The following PFKFB3 variants were observed in gnomAD, a reference collection of about 807,000 sequenced individuals.
The protein encoded by PFKFB3 is 6-phosphofructo-2-kinase/fructose-2,6-biphosphatase 3, also known as 6-phosphofructo-2-kinase/fructose-2,6-bisphosphatase 3.
Under a neutral mutation model 68.0 loss-of-function variants are expected in PFKFB3, and 33 were observed. The ratio of observed to expected loss-of-function variants is 0.49; its 90% CI spans 0.37 to 0.65. PFKFB3 has a LOEUF of 0.65. Among genes scored for constraint, PFKFB3 ranks in the 30% least tolerant of loss-of-function variants. PFKFB3 has a pLI of 0.00. For synonymous variants in PFKFB3, 315 were observed against 288.2 expected (o/e 1.09, Z -0.94); for missense variants, 586 against 712.2 (o/e 0.82, Z 2.02).
At chr10:6,302,215 C>T in the PFKFB3 span, among the ~76,000 whole-genome samples, 1 of 151,640 alleles carries the variant, frequency 6.6e-6, no homozygotes, top group African/African-American at 2.4e-5. Flanking sequence ...CCACCACATC[C>T]AGCTAATTTT....
At chr10:6,150,201 A>G (rs1350067814) in intron 1 of PFKFB3, among the ~76,000 whole-genome samples, 1 of 152,156 alleles carries the variant, frequency 6.6e-6, no homozygotes, top group Admixed American at 6.5e-5. Context: ...TAACTTGGAG[A>G]GCTATTTGAG....
At position 6,154,308 on chromosome 10, in the gene PFKFB3, C is replaced by T. The variant is rs1001447287; in HGVS notation, c.16+9295C>T. ...TTGGCCAGGCTGGAGTGCAGTGGCG[C>T]GTTCTCGGCTCACTGCAACCTCTGC... On this transcript the variant is annotated intron_variant, in intron 1 of 14. Coordinates refer to the PFKFB3 transcript ENST00000379789. This position sits in a 1 kb window ranked among gnomAD's most constrained non-coding sequence, Gnocchi z 4.6. Among the ~76,000 whole-genome samples, 12 of 151,214 alleles carry T rather than the reference C, an allele frequency of 7.9e-5. No homozygotes were observed. Among genetic ancestry groups the T allele is most frequent in the Non-Finnish European group, 1.6e-4 (11 of 67,898 alleles).
intron 1 of PFKFB3, among the ~76,000 whole-genome samples, chr10:6,173,176 G>A (rs1224772443): frequency 6.6e-6 from 1 of 152,126 alleles, no homozygotes; most frequent in Admixed American, 6.5e-5. Context: ...AGCCCTCCCT[G>A]ACTTTCTAGG....
intron 1 of PFKFB3, among the ~76,000 whole-genome samples, chr10:6,161,500 A>G (rs1841968465): frequency 6.6e-6 from 1 of 152,008 alleles, no homozygotes; most frequent in Non-Finnish European, 1.5e-5. Flanking sequence ...AAATTATTTT[A>G]TTTCATTTTG....
At chr10:6,261,690 C>G in the PFKFB3 span, among the ~76,000 whole-genome samples, 1 of 151,824 alleles carries the variant, frequency 6.6e-6, no homozygotes, top group African/African-American at 2.4e-5. Context: ...AAAACCCCAT[C>G]TCTATTAAAA....
At chr10:6,221,258 G>C in intron 8 of PFKFB3, 123 bp from the exon 9 acceptor site, 1 of 1,172,546 alleles carries the variant, frequency 8.5e-7, no homozygotes, top group Non-Finnish European at 1.2e-6. Context: ...TGTCCCAGTG[G>C]CCTGGGGCCC....
At chr10:6,272,156 C>T in the PFKFB3 span, among the ~76,000 whole-genome samples, 16 of 152,270 alleles carry the variant, frequency 1.1e-4, no homozygotes, top group East Asian at 1.9e-4. Flanking sequence ...CAAAGCACCC[C>T]GAGTTCACAG....
rs183138001 is a variant in PFKFB3 at position 6,205,293 on chromosome 10, G to C, written c.76+1957G>C. Among the ~76,000 whole-genome samples the C allele has an allele frequency of 3.9e-5, 6 of 152,124 alleles. No individual in the cohort carries two copies. The East Asian group carries it at 1.2e-3, about 29-fold the overall frequency. On this transcript the variant is annotated intron_variant, in intron 1 of 14. Transcript: ENST00000379775. ...AGTCACATTTAACTCTTACTGGAAT[G>C]GAGGGAAGAAGGTGTTTCTATTTGG...
At chr10:6,177,047 G>A (rs12359393) in intron 1 of PFKFB3, among the ~76,000 whole-genome samples, 4 of 152,164 alleles carry the variant, frequency 2.6e-5, no homozygotes, top group Non-Finnish European at 4.4e-5. Context: ...ACTGGGGCCT[G>A]ATTTCCCAGG....
chr10:6,258,785 G>A (rs527885368), downstream of PFKFB3, among the ~76,000 whole-genome samples: 51 of 152,258 alleles, frequency 3.3e-4, no homozygotes, highest in African/African-American at 1.2e-3. Flanking sequence ...CATTAAATTC[G>A]TAGGTGAAAT....
intron 14 of PFKFB3, among the ~76,000 whole-genome samples, chr10:6,253,380 C>T (rs554182836): frequency 2.8e-4 from 42 of 152,128 alleles, no homozygotes; most frequent in Non-Finnish European, 5.4e-4. Flanking sequence ...AAACAAATTA[C>T]TCTCTCTATT....
At chr10:6,265,825 C>G in the PFKFB3 span, among the ~76,000 whole-genome samples, 1 of 152,156 alleles carries the variant, frequency 6.6e-6, no homozygotes, top group African/African-American at 2.4e-5. Context: ...TCCAGCTCCA[C>G]CCCCTCCTTC....
At chr10:6,244,820 T>C (rs61165079) in intron 14 of PFKFB3, among the ~76,000 whole-genome samples, 5,933 of 152,240 alleles carry the variant, frequency 0.039, 211 homozygotes, top group African/African-American at 0.091. Context: ...CGTTCATTCG[T>C]AATTGAGAGG....
Position 6,217,094 on chromosome 10 carries a change from G to T in PFKFB3, c.442-41G>T, listed in dbSNP as rs375012460. Reference sequence around the variant, plus strand: ...GCAGTGATGGCAAGGTTGATCCTTCGTGGTGTTTGTTTTCTAACATCCCCA... The same window carrying T: ...GCAGTGATGGCAAGGTTGATCCTTCTTGGTGTTTGTTTTCTAACATCCCCA... On this transcript the variant is annotated intron_variant, in intron 5 of 14. Coordinates refer to ENST00000379775, the MANE Select transcript of PFKFB3 (RefSeq NM_004566.4). The T allele has an allele frequency of 7.5e-6, 12 of 1,597,950 alleles. No homozygotes were observed. The African/African-American group carries it at 1.3e-4, about 18-fold the overall frequency.
At chr10:6,247,747 G>C (rs34760732) in intron 14 of PFKFB3, among the ~76,000 whole-genome samples, 24,940 of 152,210 alleles carry the variant, frequency 0.16, 2,140 homozygotes, top group South Asian at 0.18. Context: ...TGACAGGGGT[G>C]TCTCATATGA....
intron 1 of PFKFB3, among the ~76,000 whole-genome samples, chr10:6,204,000 C>T (rs1564616508): frequency 6.6e-6 from 1 of 152,242 alleles, no homozygotes; most frequent in Non-Finnish European, 1.5e-5. Context: ...ACGCCTGTGT[C>T]CCCGGCTTTG....
the PFKFB3 span, among the ~76,000 whole-genome samples, chr10:6,322,035 T>C: frequency 6.6e-6 from 1 of 152,240 alleles, no homozygotes; most frequent in African/African-American, 2.4e-5. Flanking sequence ...TGTCTCTCTT[T>C]AATCCAGCGC....
chr10:6,233,099 C>G lies in PFKFB3; in HGVS notation c.*157C>G, dbSNP rs1845845471. On this transcript the variant is annotated 3_prime_UTR_variant, in exon 15 of 15. Coordinates refer to ENST00000379775, the MANE Select transcript of PFKFB3 (RefSeq NM_004566.4). The stretch of plus-strand genomic sequence containing the variant: ...CGAAGAGAACCATGCTTGGCACCGT[C>G]TGTGTCCCCTCGGCCGCTGGACACC... The G allele has an allele frequency of 6.2e-6, 4 of 646,594 alleles. No individual in the cohort carries two copies. The highest frequency in any genetic ancestry group is 5.4e-5 in the East Asian group (2 of 37,054). 40.1% of individuals were successfully genotyped at this position (646,594 alleles called of 1,614,324 possible).
At position 6,251,188 on chromosome 10, in the gene PFKFB3, A is replaced by G. The variant is rs531452367; in HGVS notation, c.1516-2990A>G. ...ATAGACTTTGGATATTCAGAAGGCA[A>G]GGATGGGGTGGAAAGAGAGTACCAG... On this transcript the variant is annotated intron_variant, in intron 14 of 14. Coordinates refer to the PFKFB3 transcript ENST00000640683. 6.6e-4 allele frequency among the ~76,000 whole-genome samples: 100 copies of G among 152,344 alleles called. 1 individual carries two copies. The highest frequency in any genetic ancestry group is 2.3e-3 in the African/African-American group (97 of 41,584).
Sources: gnomAD v4.1 joint callset for allele counts (sites outside exome capture counted in the v4.1 genomes callset) on GRCh38, gnomAD v4.1.1 for gene constraint, Gnocchi (gnomAD v3.1) non-coding constraint, MANE v1.5 for transcripts, NCBI Gene and HGNC (gene_info 2026-07-23, HGNC 2026-07-21) for gene names.